Variants in EPHB2 observed in about 807,000 individuals in gnomAD.
EPHB2 encodes the protein EPH receptor B2.
In EPHB2, 18 loss-of-function variants were observed where a neutral mutation model predicts 96.4. The observed-to-expected ratio is 0.19, with a 90% confidence interval of 0.13 to 0.28. EPHB2 has a LOEUF of 0.28. Among genes scored for constraint, EPHB2 ranks in the 10% least tolerant of loss-of-function variants. The pLI is 1.00. For missense variants in EPHB2, 989 were observed against 1,355.4 expected (o/e 0.73, Z 4.25); for synonymous variants, 506 against 534.1 (o/e 0.95, Z 0.72).
chr1:22,742,164 C>T (rs1643912208), intron 1 of EPHB2, among the ~76,000 whole-genome samples: 1 of 152,082 alleles, frequency 6.6e-6, no homozygotes, highest in African/African-American at 2.4e-5. Context: ...CCCATATGAG[C>T]CCAGAGGCTG....
intron 12 of EPHB2, 94 bp downstream of exon 12, chr1:22,908,262 A>G (rs949614701): frequency 2.3e-5 from 34 of 1,476,390 alleles, no homozygotes; most frequent in Admixed American, 7.5e-5. Context: ...CTAACGCCCA[A>G]TTGGGCCAAG....
At chr1:22,897,776 G>A (rs1639614135) in intron 9 of EPHB2, among the ~76,000 whole-genome samples, 4 of 151,332 alleles carry the variant, frequency 2.6e-5, no homozygotes, top group Admixed American at 2.6e-4. Context: ...GACAGAGCAA[G>A]ACTCTGTCTC....
chr1:22,758,469 TG>T (rs1228211374), intron 1 of EPHB2, among the ~76,000 whole-genome samples: 1 of 152,034 alleles, frequency 6.6e-6, no homozygotes, highest in Non-Finnish European at 1.5e-5. Context: ...CATCCTGGTC[TG>T]GGTATCCAGT....
At chr1:22,711,965 C>T (rs1643162209) in intron 1 of EPHB2, among the ~76,000 whole-genome samples, 1 of 152,332 alleles carries the variant, frequency 6.6e-6, no homozygotes, top group East Asian at 1.9e-4. Context: ...CAGGAATGGC[C>T]GAGCTTGCAG....
rs1345430676 is a variant in EPHB2, at chr1:22,913,559, G to A, written c.2950G>A (p.Val984Met). 2 of 1,614,164 alleles carry A rather than the reference G, an allele frequency of 1.2e-6. No homozygotes were observed. The highest frequency in any genetic ancestry group is 1.7e-6 in the Non-Finnish European group (2 of 1,180,030). Residue 984 changes from valine (V) to methionine (M), a missense_variant, in exon 16 of 16, where the codon GTG becomes ATG. Coordinates refer to ENST00000374630, the MANE Select transcript of EPHB2 (RefSeq NM_017449.5). The surrounding 1 kb of genome is among the most constrained non-coding windows in gnomAD (Gnocchi z 4.1). The part of the protein sequence containing the change: ...MRAQMNQIQS[V>M]EV The stretch of plus-strand genomic sequence containing the variant: ...GGCGCAGATGAACCAGATTCAGTCT[G>A]TGGAGGTTTGACATTCACCTGCCTC...
At chr1:22,783,182 C>G (rs920733297) in intron 2 of EPHB2, among the ~76,000 whole-genome samples, 2 of 152,180 alleles carry the variant, frequency 1.3e-5, no homozygotes, top group African/African-American at 4.8e-5. Context: ...TCTGTGTGAC[C>G]TGGGTCAAAT....
chr1:22,714,331 C>T (rs188613066), intron 1 of EPHB2, among the ~76,000 whole-genome samples: 1 of 152,332 alleles, frequency 6.6e-6, no homozygotes, highest in Non-Finnish European at 1.5e-5. Context: ...TGCTATGAAA[C>T]TTTCTTAGCC....
chr1:22,781,165 A>G (rs955426814), intron 1 of EPHB2, among the ~76,000 whole-genome samples: 7 of 151,924 alleles, frequency 4.6e-5, no homozygotes, highest in East Asian at 1.9e-4. Context: ...CTAAAAATAC[A>G]AAAAATTAGC....
chr1:22,718,580 G>C (rs1255624339), intron 1 of EPHB2, among the ~76,000 whole-genome samples: 1 of 151,762 alleles, frequency 6.6e-6, no homozygotes, highest in Non-Finnish European at 1.5e-5. Context: ...GTAGAGATGG[G>C]GTTTCACTAT....
chr1:22,845,125 G>A (rs1352442516), intron 3 of EPHB2, among the ~76,000 whole-genome samples: 1 of 152,218 alleles, frequency 6.6e-6, no homozygotes, highest in Non-Finnish European at 1.5e-5. Flanking sequence ...GCGAGCAGTG[G>A]CTGAAAGCAC....
chr1:22,789,398 C>A (rs1384056815), intron 3 of EPHB2, among the ~76,000 whole-genome samples: 1 of 152,168 alleles, frequency 6.6e-6, no homozygotes, highest in Non-Finnish European at 1.5e-5. Context: ...GGAGTGGCCA[C>A]CATTCCTGGT....
chr1:22,757,869 A>T (rs1234431625), intron 1 of EPHB2, among the ~76,000 whole-genome samples: 1 of 2,744 alleles, frequency 3.6e-4, no homozygotes, highest in Non-Finnish European at 0.062. Flanking sequence ...TCCCCCCAGC[A>T]AAAAAAAATC....
At chr1:22,786,004 A>C (rs1644605581) in intron 3 of EPHB2, among the ~76,000 whole-genome samples, 1 of 152,214 alleles carries the variant, frequency 6.6e-6, no homozygotes, top group African/African-American at 2.4e-5. Flanking sequence ...AAAACTATTA[A>C]GTAAGTATAA....
intron 1 of EPHB2, among the ~76,000 whole-genome samples, chr1:22,763,666 T>A (rs1206479604): frequency 2.6e-5 from 4 of 152,194 alleles, no homozygotes; most frequent in African/African-American, 9.7e-5. Flanking sequence ...GAGGATGGTC[T>A]GTTAGTTTCT....
chr1:22,890,682 A>C (rs1381410827), intron 6 of EPHB2, among the ~76,000 whole-genome samples: 6 of 151,474 alleles, frequency 4.0e-5, no homozygotes, highest in Admixed American at 6.6e-5. Flanking sequence ...CATAATCCCC[A>C]CCTGTTGTGA....
intron 14 of EPHB2, among the ~76,000 whole-genome samples, chr1:22,911,178 A>ATAAATAAATAAT (rs1318121632): frequency 2.0e-5 from 3 of 151,082 alleles, no homozygotes; most frequent in South Asian, 2.1e-4. Context: ...AAATAAATAA[A>ATAAATAAATAAT]TAATTACCAA....
chr1:22,767,086 C>T (rs1442064973), intron 1 of EPHB2, among the ~76,000 whole-genome samples: 1 of 152,220 alleles, frequency 6.6e-6, no homozygotes, highest in Non-Finnish European at 1.5e-5. Flanking sequence ...CTCCTTGTGC[C>T]TCAGGGAAGC....
At chr1:22,904,840 T>C (rs977210262) in intron 9 of EPHB2, among the ~76,000 whole-genome samples, 8 of 152,076 alleles carry the variant, frequency 5.3e-5, no homozygotes, top group African/African-American at 1.9e-4. Context: ...AGGCCAAGAG[T>C]GGTCAACTCA....
chr1:22,746,082 C>T (rs1296426589), intron 1 of EPHB2, among the ~76,000 whole-genome samples: 3 of 152,102 alleles, frequency 2.0e-5, no homozygotes, highest in Non-Finnish European at 4.4e-5. Flanking sequence ...GAGTCCCTGC[C>T]CTGGGCCAGG....
Sources: allele counts gnomAD v4.1 joint callset (sites outside exome capture counted in the v4.1 genomes callset), GRCh38; gene constraint gnomAD v4.1.1; non-coding constraint Gnocchi (gnomAD v3.1); transcripts MANE v1.5; gene names NCBI Gene and HGNC (gene_info 2026-07-23, HGNC 2026-07-21).